LPP: variants seen among roughly 807,000 people sequenced by gnomAD.
LPP encodes lipoma-preferred partner.
A neutral mutation model predicts 60.4 loss-of-function variants in LPP; 38 were observed. The observed-to-expected ratio is 0.63, with a 90% CI of 0.49 to 0.83. The LOEUF (loss-of-function observed/expected upper bound fraction) is 0.83, where lower values mean the gene tolerates loss of function less well. Ranked by LOEUF, LPP falls within the 40% of genes least tolerant of loss-of-function variation. The pLI is 0.00. For missense variants in LPP, 902 were observed against 783.6 expected, an observed-to-expected ratio of 1.15 and a Z score of -1.80; for synonymous variants, 328 against 290.8, an observed-to-expected ratio of 1.13 and a Z score of -1.30.
At chr3:188,250,778 CTT>C (rs1491450536) in intron 2 of LPP, among the ~76,000 whole-genome samples, 1,240 of 109,038 alleles carry the variant, frequency 0.011, 25 homozygotes, top group Admixed American at 0.012. Flanking sequence ...TTCTTTCTTT[CTT>C]TCTTTCTGTC....
intron 7 of LPP, among the ~76,000 whole-genome samples, chr3:188,655,446 C>T (rs538098656): frequency 6.6e-6 from 1 of 152,262 alleles, no homozygotes; most frequent in East Asian, 1.9e-4. Context: ...AGAAAATTGG[C>T]AGACAGAATT....
At chr3:188,540,324 T>C (rs1219181717) in intron 6 of LPP, among the ~76,000 whole-genome samples, 2 of 152,332 alleles carry the variant, frequency 1.3e-5, no homozygotes, top group East Asian at 3.9e-4. Flanking sequence ...TATTTCACTA[T>C]AGAAAATTTT....
intron 9 of LPP, among the ~76,000 whole-genome samples, chr3:188,787,900 T>C (rs940406227): frequency 3.9e-5 from 6 of 152,228 alleles, no homozygotes; most frequent in African/African-American, 1.4e-4. Flanking sequence ...TCCAGATATG[T>C]ATCTATCATT....
At chr3:188,184,673 G>T (rs532909522) in intron 1 of LPP, among the ~76,000 whole-genome samples, 1 of 149,228 alleles carries the variant, frequency 6.7e-6, no homozygotes, top group Admixed American at 7.0e-5. Flanking sequence ...AAGTGAATAG[G>T]GCTCCGGTAA....
intron 1 of LPP, among the ~76,000 whole-genome samples, chr3:188,206,248 C>G (rs1327690079): frequency 6.6e-6 from 1 of 152,052 alleles, no homozygotes; most frequent in African/African-American, 2.4e-5. Flanking sequence ...CTTGGCGCAC[C>G]TGCTGGAGGT....
At chr3:188,626,912 C>G (rs1280721217) in intron 7 of LPP, among the ~76,000 whole-genome samples, 2 of 151,210 alleles carry the variant, frequency 1.3e-5, no homozygotes, top group African/African-American at 4.9e-5. Flanking sequence ...TATGAAATAC[C>G]TCAAAAATCA....
intron 8 of LPP, chr3:188,709,427 G>T (rs572517629): frequency 5.9e-5 from 9 of 152,170 alleles, no homozygotes; most frequent in African/African-American, 2.2e-4. Context: ...CGTGATCTTG[G>T]CTCACTGCAA....
At chr3:188,705,133 C>G (rs1397522536) in intron 7 of LPP, among the ~76,000 whole-genome samples, 1 of 152,184 alleles carries the variant, frequency 6.6e-6, no homozygotes, top group Non-Finnish European at 1.5e-5. Flanking sequence ...AAAAGTAGAA[C>G]TACTTGCTGT....
intron 9 of LPP, among the ~76,000 whole-genome samples, chr3:188,800,452 A>G (rs549213064): frequency 3.9e-4 from 59 of 151,862 alleles, no homozygotes; most frequent in African/African-American, 1.1e-3. Flanking sequence ...TCATCGTGTT[A>G]GCCAGGATGG....
intron 6 of LPP, among the ~76,000 whole-genome samples, chr3:188,541,215 A>G (rs1825082749): frequency 6.6e-6 from 1 of 152,204 alleles, no homozygotes; most frequent in Non-Finnish European, 1.5e-5. Context: ...TGTTCATCTG[A>G]TTGACCTGGA....
chr3:188,267,131 C>T (rs906231056), intron 2 of LPP, among the ~76,000 whole-genome samples: 1 of 152,278 alleles, frequency 6.6e-6, no homozygotes, highest in South Asian at 2.1e-4. Context: ...GGTGGAGAGA[C>T]GTGAAGGGGT....
intron 8 of LPP, among the ~76,000 whole-genome samples, chr3:188,727,153 G>A (rs1718725847): frequency 6.6e-6 from 1 of 152,150 alleles, no homozygotes; most frequent in South Asian, 2.1e-4. Context: ...CTTTGCCACA[G>A]TAACCTTGAG....
intron 9 of LPP, among the ~76,000 whole-genome samples, chr3:188,857,084 C>A (rs1405811766): frequency 6.6e-6 from 1 of 152,188 alleles, no homozygotes; most frequent in Non-Finnish European, 1.5e-5. Flanking sequence ...ACCATGCCAT[C>A]TGCGTCCTGG....
At chr3:188,176,062 G>T (rs1722953334) in intron 1 of LPP, among the ~76,000 whole-genome samples, 1 of 152,124 alleles carries the variant, frequency 6.6e-6, no homozygotes, top group Non-Finnish European at 1.5e-5. Flanking sequence ...GTTGAATTGA[G>T]AAAGCATAAG....
intron 4 of LPP, among the ~76,000 whole-genome samples, chr3:188,463,953 A>C (rs1391221795): frequency 6.6e-6 from 1 of 152,154 alleles, no homozygotes; most frequent in Non-Finnish European, 1.5e-5. Context: ...ATACCAATTC[A>C]TACTAAGAAA....
intron 2 of LPP, among the ~76,000 whole-genome samples, chr3:188,231,623 C>T (rs1719999139): frequency 6.6e-6 from 1 of 151,920 alleles, no homozygotes; most frequent in Non-Finnish European, 1.5e-5. Flanking sequence ...GGAAAGGGCA[C>T]ATACTCTTCC....
chr3:188,564,044 C>T (rs1017045210), intron 6 of LPP, among the ~76,000 whole-genome samples: 3 of 151,832 alleles, frequency 2.0e-5, no homozygotes, highest in East Asian at 1.9e-4. Context: ...AGGTACTTAA[C>T]GCAATAAAAA....
At chr3:188,727,966 T>C (rs1251914825) in intron 8 of LPP, among the ~76,000 whole-genome samples, 1 of 152,206 alleles carries the variant, frequency 6.6e-6, no homozygotes, top group African/African-American at 2.4e-5. Flanking sequence ...ATCCTTTCTG[T>C]GTCATTCCTA....
intron 9 of LPP, among the ~76,000 whole-genome samples, chr3:188,796,015 A>T (rs1745232554): frequency 6.6e-6 from 1 of 152,216 alleles, no homozygotes; most frequent in African/African-American, 2.4e-5. Context: ...TTGACAGCCT[A>T]TCACATGTCA....
Sources: allele counts gnomAD v4.1 joint callset (sites outside exome capture counted in the v4.1 genomes callset), GRCh38; gene constraint gnomAD v4.1.1; transcripts MANE v1.5; gene names NCBI Gene and HGNC (gene_info 2026-07-23, HGNC 2026-07-21).